Variants in EXPH5 observed in about 807,000 individuals in gnomAD.
EXPH5 encodes exophilin-5.
A neutral mutation model predicts 41.1 loss-of-function variants in EXPH5; 42 were observed. That is an observed-to-expected ratio of 1.02 (90% CI 0.80 to 1.32). EXPH5 has a LOEUF of 1.32. Ranked by LOEUF, EXPH5 falls within the 40% of genes most tolerant of loss-of-function variation. The pLI is 0.00. For missense variants in EXPH5, 2,298 were observed against 2,314.5 expected, an observed-to-expected ratio of 0.99 and a Z score of 0.15; for synonymous variants, 798 against 833.5, an observed-to-expected ratio of 0.96 and a Z score of 0.73.
chr11:108,601,457 G>A, the EXPH5 span, among the ~76,000 whole-genome samples: 1 of 152,078 alleles, frequency 6.6e-6, no homozygotes, highest in Admixed American at 6.5e-5. Context: ...AACCATACTA[G>A]GTACAATCCA....
chr11:108,599,682 T>G, the EXPH5 span, among the ~76,000 whole-genome samples: 2 of 152,218 alleles, frequency 1.3e-5, no homozygotes, highest in East Asian at 1.9e-4. Context: ...TCTACCTACT[T>G]CCATGTGGTT....
At chr11:108,576,196 T>C (rs183899173) in intron 1 of EXPH5, among the ~76,000 whole-genome samples, 123 of 152,278 alleles carry the variant, frequency 8.1e-4, no homozygotes, top group Admixed American at 7.8e-3. Context: ...AATGGATGAA[T>C]AGATAAATAA....
At chr11:108,597,064 CTCATAG>C (rs1319729430), upstream of EXPH5, among the ~76,000 whole-genome samples, 1 of 152,186 alleles carries the variant, frequency 6.6e-6, no homozygotes, top group African/African-American at 2.4e-5. Flanking sequence ...TTAGAAATCT[CTCATAG>C]TCCCCTACCC....
chr11:108,541,887 T>A (rs2093914983), intron 1 of EXPH5, 75 bp from the exon 2 acceptor site: 2 of 1,088,494 alleles, frequency 1.8e-6, no homozygotes, highest in Admixed American at 2.7e-5. Context: ...ATCAATGTAC[T>A]TTTTTTTTGA....
the EXPH5 span, among the ~76,000 whole-genome samples, chr11:108,605,408 G>C: frequency 6.6e-6 from 1 of 152,200 alleles, no homozygotes; most frequent in Non-Finnish European, 1.5e-5. Flanking sequence ...TATTAGAACA[G>C]TTGTTCTCAA....
At position 108,593,556 on chromosome 11, in the gene EXPH5, T is replaced by TTACA. The variant is rs770008190; in HGVS notation, c.-24_-21dup. ...CGTCATTTTCTTTACTGTGTGTGAG[T>TTACA]TACACTTAAGCTCCTTGGCGCCTCC... On this transcript the variant is annotated 5_prime_UTR_variant, in exon 1 of 6. It adds an upstream start codon to the 5' untranslated region. Transcript: ENST00000265843. The TTACA allele has an allele frequency of 1.2e-6, 2 of 1,614,012 alleles. No individual in the cohort carries two copies. The highest frequency in any genetic ancestry group is 1.7e-6 in the Non-Finnish European group (2 of 1,179,964).
chr11:108,582,471 A>C (rs1363690504), intron 1 of EXPH5, among the ~76,000 whole-genome samples: 1 of 138,232 alleles, frequency 7.2e-6, no homozygotes, highest in Non-Finnish European at 1.6e-5. Context: ...GTCACAAAGA[A>C]AAAAAAAAAA....
chr11:108,581,164 C>T (rs938168983), intron 1 of EXPH5, among the ~76,000 whole-genome samples: 2 of 151,912 alleles, frequency 1.3e-5, no homozygotes, highest in African/African-American at 4.8e-5. Flanking sequence ...ATTAGCCAGG[C>T]GTGGTGGTGA....
At chr11:108,529,677 T>C (rs1421743869) in intron 3 of EXPH5, among the ~76,000 whole-genome samples, 1 of 151,984 alleles carries the variant, frequency 6.6e-6, no homozygotes, top group Non-Finnish European at 1.5e-5. Context: ...AAACCGTGTC[T>C]CTACTAAAAA....
intron 3 of EXPH5, among the ~76,000 whole-genome samples, chr11:108,534,054 C>T (rs1055333371): frequency 7.2e-5 from 11 of 152,174 alleles, no homozygotes; most frequent in African/African-American, 2.7e-4. Flanking sequence ...CTCAGCCTCC[C>T]AAAGTGTTGA....
At position 108,533,296 on chromosome 11, in the gene EXPH5, C is replaced by T. The variant is rs554199787; in HGVS notation, c.444-5112G>A. ...TCAGCTCACTGCAACCTCTGCCTCC[C>T]GGGTTCGAGTGATTCTCCTGCCTCA... On this transcript the variant is annotated intron_variant, in intron 3 of 5. Transcript: ENST00000265843. Among the ~76,000 whole-genome samples, 115 of 151,972 alleles carry T rather than the reference C, an allele frequency of 7.6e-4. 4 individuals are homozygous for T. In the South Asian group the frequency reaches 0.022, roughly 29 times the overall value.
chr11:108,603,793 A>T, the EXPH5 span, among the ~76,000 whole-genome samples: 7 of 152,206 alleles, frequency 4.6e-5, no homozygotes, highest in East Asian at 1.3e-3. Context: ...AACAAATATG[A>T]CCTCCACCTG....
intron 3 of EXPH5, among the ~76,000 whole-genome samples, chr11:108,532,339 G>T (rs2093843512): frequency 3.0e-4 from 7 of 23,442 alleles, no homozygotes; most frequent in Admixed American, 1.4e-3. Flanking sequence ...CACCACACTG[G>T]ATATATATAT....
At chr11:108,603,886 G>A in the EXPH5 span, among the ~76,000 whole-genome samples, 1 of 152,132 alleles carries the variant, frequency 6.6e-6, no homozygotes, top group African/African-American at 2.4e-5. Flanking sequence ...GGAGAGAAAG[G>A]CTGTTTCCAG....
At chr11:108,559,179 C>CAAGGTA in intron 1 of EXPH5, among the ~76,000 whole-genome samples, 1 of 152,168 alleles carries the variant, frequency 6.6e-6, no homozygotes, top group Non-Finnish European at 1.5e-5. Flanking sequence ...CTCCCCAAGT[C>CAAGGTA]AAGTGTCGAT....
chr11:108,601,600 T>C, the EXPH5 span, among the ~76,000 whole-genome samples: 3 of 152,216 alleles, frequency 2.0e-5, no homozygotes, highest in African/African-American at 7.2e-5. Flanking sequence ...TATTTAAATA[T>C]GACAAATAGT....
In EXPH5 at chr11:108,514,435, T is replaced by TTGG. The variant is rs1194478832; in HGVS notation, c.1069_1071dup (p.Pro357dup). 1.2e-6 allele frequency: 2 copies of TTGG among 1,614,032 alleles called. No individual in the cohort carries two copies. Among genetic ancestry groups the TTGG allele is most frequent in the African/African-American group, 2.7e-5 (2 of 74,936 alleles). ...GTTCTCTTTGGACTCTGCTGGTGCC[T>TTGG]TGGTGGTATAAACCCACTCTTGCTC... On this transcript the variant is annotated inframe_insertion, in exon 6 of 6. Transcript: ENST00000265843.
At position 108,514,416 on chromosome 11, in the gene EXPH5, T is replaced by C. The variant is rs2093708326; in HGVS notation, c.1091A>G (p.Lys364Arg). 1.9e-6 allele frequency: 3 copies of C among 1,614,194 alleles called. 1 individual carries two copies. Residue 364 changes from lysine (K) to arginine (R), a missense_variant, in exon 6 of 6, where the codon AAG becomes AGG. Lys to Arg is a conservative substitution (Grantham distance 26). Coordinates refer to ENST00000265843, the MANE Select transcript of EXPH5 (RefSeq NM_015065.3). Reference protein sequence around the residue: ...FIPPRHQQSPKRTPLSSIIWN... With the variant: ...FIPPRHQQSPRRTPLSSIIWN... ...TATGATGGATGATAAAGGAGTTCTC[T>C]TTGGACTCTGCTGGTGCCTTGGTGG...
At position 108,507,465 on chromosome 11, in the gene EXPH5, T is replaced by C. The variant is rs182597179; in HGVS notation, c.*2072A>G. The C allele has an allele frequency of 5.9e-5, 9 of 152,270 alleles. No individual in the cohort carries two copies. Among genetic ancestry groups the C allele is most frequent in the Non-Finnish European group, 1.0e-4 (7 of 68,012 alleles). 9.4% of individuals were successfully genotyped at this position (152,270 alleles called of 1,614,324 possible). ...CGAAGCAAATATAAACCAAGCAAGA[T>C]AAAATCCACTCATGTTGACTATCAT... On this transcript the variant is annotated 3_prime_UTR_variant, in exon 6 of 6. Transcript: ENST00000265843.
Sources: gnomAD v4.1 joint callset for allele counts (sites outside exome capture counted in the v4.1 genomes callset) on GRCh38, gnomAD v4.1.1 for gene constraint, MANE v1.5 for transcripts, NCBI Gene and HGNC (gene_info 2026-07-23, HGNC 2026-07-21) for gene names.